The following PTPRN2 variants were observed in gnomAD, a reference collection of about 807,000 sequenced individuals.
The protein encoded by PTPRN2 is receptor-type tyrosine-protein phosphatase N2.
Under a neutral mutation model 118.8 loss-of-function variants are expected in PTPRN2, and 74 were observed. That is an observed-to-expected ratio of 0.62 (90% CI 0.52 to 0.76). PTPRN2 has a LOEUF of 0.76. Ranked by LOEUF, PTPRN2 falls within the 30% of genes least tolerant of loss-of-function variation. The probability of loss-of-function intolerance (pLI) is 0.00; values close to 1 mark genes in which losing one functional copy is unlikely to be tolerated. For missense variants in PTPRN2, 1,481 were observed against 1,394.4 expected, an observed-to-expected ratio of 1.06 and a Z score of -0.99; for synonymous variants, 641 against 608.0, an observed-to-expected ratio of 1.05 and a Z score of -0.80.
chr7:158,295,189 T>C (rs1476268561), intron 3 of PTPRN2, among the ~76,000 whole-genome samples: 6 of 104,788 alleles, frequency 5.7e-5, no homozygotes, highest in Non-Finnish European at 7.7e-5. Flanking sequence ...GTGGTTCACC[T>C]GCCTTTCTGA....
At chr7:158,484,197 G>A (rs764532416) in intron 2 of PTPRN2, among the ~76,000 whole-genome samples, 7 of 151,950 alleles carry the variant, frequency 4.6e-5, no homozygotes, top group African/African-American at 7.3e-5. Flanking sequence ...TCAGAGTTCC[G>A]TGACCACCTC....
intron 21 of PTPRN2, among the ~76,000 whole-genome samples, chr7:157,561,786 C>T (rs560482339): frequency 2.6e-5 from 4 of 152,374 alleles, no homozygotes; most frequent in South Asian, 2.1e-4. Flanking sequence ...ACCCTGCAGC[C>T]ACAGACTCCT....
intron 3 of PTPRN2, among the ~76,000 whole-genome samples, chr7:158,226,773 T>C (rs1828819353): frequency 6.6e-6 from 1 of 150,524 alleles, no homozygotes; most frequent in African/African-American, 2.4e-5. Context: ...CCTAATCGCG[T>C]GGGAGCCTCT....
intron 2 of PTPRN2, among the ~76,000 whole-genome samples, chr7:158,474,683 A>G (rs1021273022): frequency 2.0e-4 from 30 of 151,754 alleles, no homozygotes; most frequent in African/African-American, 6.5e-4. Flanking sequence ...TCTGAGAGGG[A>G]CCCTTTTCCC....
At chr7:157,866,722 C>A (rs906706092) in intron 12 of PTPRN2, among the ~76,000 whole-genome samples, 6 of 152,010 alleles carry the variant, frequency 3.9e-5, no homozygotes, top group Non-Finnish European at 7.4e-5. Flanking sequence ...GGGGTCTCCT[C>A]AGAAGCAGTG....
chr7:158,103,295 G>A (rs1440667185), intron 10 of PTPRN2, among the ~76,000 whole-genome samples: 9 of 151,926 alleles, frequency 5.9e-5, no homozygotes, highest in Non-Finnish European at 8.8e-5. Flanking sequence ...ATCCTTCGTG[G>A]AAAGGAATGC....
chr7:158,262,764 A>G (rs866557850), intron 3 of PTPRN2, among the ~76,000 whole-genome samples: 1 of 146,866 alleles, frequency 6.8e-6, no homozygotes, highest in South Asian at 2.1e-4. Context: ...CACACTGCAC[A>G]CACACATTCA....
At chr7:158,578,592 G>A (rs1030251533) in intron 1 of PTPRN2, among the ~76,000 whole-genome samples, 5 of 151,246 alleles carry the variant, frequency 3.3e-5, no homozygotes, top group Non-Finnish European at 5.9e-5. Flanking sequence ...GGTTTGTTAC[G>A]TGGGTGTATT....
chr7:158,229,107 G>C (rs1373361995), intron 3 of PTPRN2, among the ~76,000 whole-genome samples: 1 of 151,874 alleles, frequency 6.6e-6, no homozygotes, highest in African/African-American at 2.4e-5. Context: ...GCAGCACTCA[G>C]ATCTTTAACC....
At chr7:157,653,373 A>G (rs1483599799) in intron 14 of PTPRN2, among the ~76,000 whole-genome samples, 1 of 152,248 alleles carries the variant, frequency 6.6e-6, no homozygotes, top group East Asian at 1.9e-4. Flanking sequence ...GGCTTTGCGC[A>G]CAGAGGGCTG....
At chr7:157,994,468 C>T (rs564204880) in intron 11 of PTPRN2, among the ~76,000 whole-genome samples, 36 of 141,576 alleles carry the variant, frequency 2.5e-4, no homozygotes, top group Middle Eastern at 3.8e-3. Flanking sequence ...AGCGTTAGAG[C>T]GAGCGCCTTC....
chr7:157,906,384 G>T (rs1046698940), intron 11 of PTPRN2, among the ~76,000 whole-genome samples: 4 of 152,212 alleles, frequency 2.6e-5, no homozygotes, highest in Admixed American at 2.6e-4. Context: ...TTCCTGTAAA[G>T]GAATCTTTTA....
At chr7:158,317,844 G>GGTAATTGCT (rs1802466192) in intron 2 of PTPRN2, among the ~76,000 whole-genome samples, 1 of 152,326 alleles carries the variant, frequency 6.6e-6, no homozygotes, top group South Asian at 2.1e-4. Flanking sequence ...CCAGGCTGAC[G>GGTAATTGCT]GTAATTGCTG....
rs906103524 is a variant in PTPRN2 at position 157,974,716 on chromosome 7, C to T, written c.1724-75979G>A. 3.3e-5 allele frequency among the ~76,000 whole-genome samples: 5 copies of T among 151,670 alleles called. No homozygotes were observed. Among genetic ancestry groups the T allele is most frequent in the African/African-American group, 1.2e-4 (5 of 41,242 alleles). On this transcript the variant is annotated intron_variant, in intron 11 of 22. Coordinates refer to ENST00000389418, the MANE Select transcript of PTPRN2 (RefSeq NM_002847.5). This position sits in a 1 kb window ranked among gnomAD's most constrained non-coding sequence, Gnocchi z 4.0. ...GGGCTCCATGGGAAGACACAGGTAG[C>T]GGGTCAGGTGCTGGGGAGGTGTTGC...
chr7:158,535,320 A>G (rs1825583502), intron 1 of PTPRN2, among the ~76,000 whole-genome samples: 1 of 152,182 alleles, frequency 6.6e-6, no homozygotes, highest in South Asian at 2.1e-4. Flanking sequence ...CTCCCTCCCC[A>G]TTCAGCTGCG....
intron 12 of PTPRN2, among the ~76,000 whole-genome samples, chr7:157,876,159 C>A (rs1795755424): frequency 6.6e-6 from 1 of 152,252 alleles, no homozygotes; most frequent in Non-Finnish European, 1.5e-5. Flanking sequence ...TCCACGAGAC[C>A]TCAGTGCCCT....
At chr7:158,523,071 A>C (rs1824333123) in intron 1 of PTPRN2, among the ~76,000 whole-genome samples, 1 of 152,200 alleles carries the variant, frequency 6.6e-6, no homozygotes, top group African/African-American at 2.4e-5. Context: ...GACATCTTGA[A>C]AACTGGAAAA....
At chr7:157,915,512 T>A (rs1798348673) in intron 11 of PTPRN2, among the ~76,000 whole-genome samples, 1 of 130,852 alleles carries the variant, frequency 7.6e-6, no homozygotes. Context: ...TTTACCATCC[T>A]CCAGCCCAAT....
At chr7:158,165,261 G>C (rs1307912910) in intron 6 of PTPRN2, among the ~76,000 whole-genome samples, 1 of 152,222 alleles carries the variant, frequency 6.6e-6, no homozygotes, top group Non-Finnish European at 1.5e-5. Flanking sequence ...CAAGGAAAGG[G>C]GTTTCTCGGA....
Sources: allele counts gnomAD v4.1 joint callset (sites outside exome capture counted in the v4.1 genomes callset), GRCh38; gene constraint gnomAD v4.1.1; non-coding constraint Gnocchi (gnomAD v3.1); transcripts MANE v1.5; gene names NCBI Gene and HGNC (gene_info 2026-07-23, HGNC 2026-07-21).